SLC35F1: variants seen among roughly 807,000 people sequenced by gnomAD.
The protein encoded by SLC35F1 is solute carrier family 35 member F1.
A neutral mutation model predicts 48.7 loss-of-function variants in SLC35F1; 14 were observed. That is an observed-to-expected ratio of 0.29 (90% confidence interval 0.19 to 0.45). SLC35F1 has a LOEUF of 0.45. Among genes scored for constraint, SLC35F1 ranks in the 20% least tolerant of loss-of-function variants. SLC35F1 has a pLI of 1.00. For synonymous variants in SLC35F1, 190 were observed against 202.2 expected, an observed-to-expected ratio of 0.94 and a Z score of 0.51; for missense variants, 404 against 500.0, an observed-to-expected ratio of 0.81 and a Z score of 1.83.
intron 1 of SLC35F1, among the ~76,000 whole-genome samples, chr6:118,069,133 A>G (rs1486353921): frequency 2.6e-5 from 4 of 152,168 alleles, no homozygotes; most frequent in Non-Finnish European, 4.4e-5. Flanking sequence ...TTCAAATTCT[A>G]TCAGCATGAA....
At chr6:118,132,919 G>A (rs1773736205) in intron 1 of SLC35F1, among the ~76,000 whole-genome samples, 1 of 152,122 alleles carries the variant, frequency 6.6e-6, no homozygotes, top group African/African-American at 2.4e-5. Context: ...TTTTTTAGTG[G>A]TCAAGACCAC....
chr6:118,107,193 C>T lies in SLC35F1; in HGVS notation c.174-47252C>T, dbSNP rs746410927. Among the ~76,000 whole-genome samples the T allele has an allele frequency of 3.3e-5, 5 of 152,012 alleles. 1 individual carries two copies. The South Asian group carries it at 6.2e-4, about 19-fold the overall frequency. On this transcript the variant is annotated intron_variant, in intron 1 of 7. Transcript: ENST00000360388. ...TTGTTTAAATGAATGGATGCATACA[C>T]AAAAAAACTGGATCCTTTTTATAAA...
intron 2 of SLC35F1, among the ~76,000 whole-genome samples, chr6:118,169,761 T>TA (rs922807960): frequency 2.6e-5 from 4 of 151,094 alleles, no homozygotes; most frequent in African/African-American, 7.3e-5. Context: ...AATCAGGATT[T>TA]AAAAAAAAAC....
chr6:118,119,596 T>C (rs979788392), intron 1 of SLC35F1, among the ~76,000 whole-genome samples: 2 of 148,464 alleles, frequency 1.3e-5, no homozygotes, highest in Non-Finnish European at 3.0e-5. Context: ...CTCTGCCTTC[T>C]GGGTTCAAGC....
At chr6:118,279,300 T>TA (rs1775953784) in intron 6 of SLC35F1, among the ~76,000 whole-genome samples, 1 of 152,200 alleles carries the variant, frequency 6.6e-6, no homozygotes, top group African/African-American at 2.4e-5. Flanking sequence ...TATGTATCAA[T>TA]AAAAAATGGC....
At chr6:117,998,080 A>G (rs1257656281) in intron 1 of SLC35F1, among the ~76,000 whole-genome samples, 1 of 148,688 alleles carries the variant, frequency 6.7e-6, no homozygotes, top group Non-Finnish European at 1.5e-5. Flanking sequence ...ATGGAGGAAG[A>G]TCTACCAAGC....
At chr6:118,306,233 G>A (rs553423799) in intron 7 of SLC35F1, among the ~76,000 whole-genome samples, 15 of 152,074 alleles carry the variant, frequency 9.9e-5, no homozygotes, top group Admixed American at 4.6e-4. Flanking sequence ...CGGCAGAAGC[G>A]TTCTTCTCTC....
intron 3 of SLC35F1, among the ~76,000 whole-genome samples, chr6:118,249,433 C>T (rs1255459208): frequency 6.6e-6 from 1 of 152,236 alleles, no homozygotes; most frequent in African/African-American, 2.4e-5. Context: ...GAAAACACTT[C>T]TACACCTTGA....
chr6:118,024,322 C>G (rs1485872030), intron 1 of SLC35F1, among the ~76,000 whole-genome samples: 1 of 152,110 alleles, frequency 6.6e-6, no homozygotes, highest in Non-Finnish European at 1.5e-5. Flanking sequence ...TACATTTTCT[C>G]CAACATAGTG....
chr6:118,040,590 C>A (rs1233492489), intron 1 of SLC35F1, among the ~76,000 whole-genome samples: 2 of 151,996 alleles, frequency 1.3e-5, no homozygotes, highest in Non-Finnish European at 2.9e-5. Flanking sequence ...GACAGTGTTT[C>A]CATAGTCAAA....
At chr6:118,004,409 G>A (rs957660751) in intron 1 of SLC35F1, among the ~76,000 whole-genome samples, 1 of 151,940 alleles carries the variant, frequency 6.6e-6, no homozygotes, top group African/African-American at 2.4e-5. Flanking sequence ...TGTATATTTT[G>A]CTTATTGTCT....
intron 1 of SLC35F1, among the ~76,000 whole-genome samples, chr6:118,018,784 T>C (rs553725963): frequency 1.0e-3 from 156 of 152,310 alleles, no homozygotes; most frequent in African/African-American, 3.7e-3. Flanking sequence ...TGCAGTGGTA[T>C]GCAGTCCAGA....
intron 1 of SLC35F1, among the ~76,000 whole-genome samples, chr6:118,146,884 G>A (rs987156479): frequency 1.3e-5 from 2 of 152,120 alleles, no homozygotes; most frequent in African/African-American, 4.8e-5. Flanking sequence ...ATAGATTTTA[G>A]GATCAAAGAT....
chr6:117,969,757 C>T (rs1464298224), intron 1 of SLC35F1, among the ~76,000 whole-genome samples: 1 of 152,018 alleles, frequency 6.6e-6, no homozygotes, highest in Admixed American at 6.5e-5. Flanking sequence ...CAAAGAAAAA[C>T]ATTTTTTACT....
chr6:118,065,258 T>C (rs1345693487), intron 1 of SLC35F1, among the ~76,000 whole-genome samples: 3 of 152,200 alleles, frequency 2.0e-5, no homozygotes, highest in Non-Finnish European at 2.9e-5. Flanking sequence ...TGAACTCATA[T>C]CCAATAATCT....
rs548153406 is a variant in SLC35F1, at chr6:118,285,066, A to G, written c.848-118A>G. 4.7e-6 allele frequency: 5 copies of G among 1,052,684 alleles called. No individual in the cohort carries two copies. In the East Asian group the frequency reaches 7.2e-5, roughly 15 times the overall value. 65.2% of individuals were successfully genotyped at this position (1,052,684 alleles called of 1,614,324 possible). On this transcript the variant is annotated intron_variant, in intron 6 of 7. Coordinates refer to ENST00000360388, the MANE Select transcript of SLC35F1 (RefSeq NM_001029858.4). Reference sequence around the variant, plus strand: ...TAAACATCAGTGAATAGGGGAAAAGAGAAACTGCCTTGTGTGAGTGACAAG... The same window carrying G: ...TAAACATCAGTGAATAGGGGAAAAGGGAAACTGCCTTGTGTGAGTGACAAG...
At chr6:117,938,462 C>T (rs1399536107) in intron 1 of SLC35F1, among the ~76,000 whole-genome samples, 2 of 152,192 alleles carry the variant, frequency 1.3e-5, no homozygotes, top group African/African-American at 2.4e-5. Flanking sequence ...ACCTCACAAG[C>T]CAGTCAGGAA....
intron 3 of SLC35F1, among the ~76,000 whole-genome samples, chr6:118,239,791 A>G (rs1775412846): frequency 6.6e-6 from 1 of 152,198 alleles, no homozygotes; most frequent in South Asian, 2.1e-4. Context: ...AATATCAATT[A>G]GTCCTCACTG....
chr6:118,204,660 C>T (rs991427213), intron 2 of SLC35F1, among the ~76,000 whole-genome samples: 21 of 151,998 alleles, frequency 1.4e-4, no homozygotes, highest in African/African-American at 5.1e-4. Flanking sequence ...CTCTTTTGAG[C>T]TTTTATTGAA....
Sources: gnomAD v4.1 joint callset for allele counts (sites outside exome capture counted in the v4.1 genomes callset) on GRCh38, gnomAD v4.1.1 for gene constraint, MANE v1.5 for transcripts, NCBI Gene and HGNC (gene_info 2026-07-23, HGNC 2026-07-21) for gene names.